CUX2: variants seen among roughly 807,000 people sequenced by gnomAD.
CUX2 encodes cut like homeobox 2, also known as homeobox protein cut-like 2.
Under a neutral mutation model 144.8 loss-of-function variants are expected in CUX2, and 40 were observed. The observed-to-expected ratio is 0.28, with a 90% CI of 0.21 to 0.36. The LOEUF (loss-of-function observed/expected upper bound fraction) is 0.36. Ranked by LOEUF, CUX2 falls within the 10% of genes least tolerant of loss-of-function variation. CUX2 has a pLI of 1.00. For missense variants in CUX2, 1,615 were observed against 1,994.0 expected (o/e 0.81, Z 3.62); for synonymous variants, 827 against 875.6 (o/e 0.94, Z 0.98).
At chr12:111,120,933 G>A (rs535596634) in intron 1 of CUX2, among the ~76,000 whole-genome samples, 4 of 151,484 alleles carry the variant, frequency 2.6e-5, no homozygotes, top group South Asian at 2.1e-4. Context: ...AAACCAGCCC[G>A]GGGGGGTCCT....
chr12:111,340,190 C>T (rs1405541351), intron 20 of CUX2, among the ~76,000 whole-genome samples: 3 of 152,088 alleles, frequency 2.0e-5, no homozygotes, highest in African/African-American at 7.2e-5. Context: ...CAGAGCGAGA[C>T]TCCATCTAAA....
Position 111,231,866 on chromosome 12 carries a change from G to C in CUX2, c.222+13929G>C, listed in dbSNP as rs561534727. 1.6e-3 allele frequency among the ~76,000 whole-genome samples: 241 copies of C among 152,264 alleles called. 1 individual carries two copies. The highest frequency in any genetic ancestry group is 2.9e-3 in the Non-Finnish European group (194 of 68,010). ...CTCATGCCTGTAATCCCAGCACTTT[G>C]GGAGGCTGGGGCAGGTAGATCATGA... is the stretch of plus-strand genomic sequence containing the variant. On this transcript the variant is annotated intron_variant, in intron 3 of 21. Transcript: ENST00000261726.
intron 4 of CUX2, among the ~76,000 whole-genome samples, chr12:111,271,600 G>A (rs1341980943): frequency 6.6e-6 from 1 of 152,198 alleles, no homozygotes; most frequent in Non-Finnish European, 1.5e-5. Flanking sequence ...GAAAATTTGG[G>A]AAGGAAAAGT....
At chr12:111,317,755 G>A (rs1343759992) in intron 16 of CUX2, among the ~76,000 whole-genome samples, 2 of 152,298 alleles carry the variant, frequency 1.3e-5, no homozygotes, top group Non-Finnish European at 2.9e-5. Flanking sequence ...TAGCACTTTA[G>A]GAGGCCAAGG....
At chr12:111,188,309 C>G (rs1364422706) in intron 1 of CUX2, among the ~76,000 whole-genome samples, 2 of 152,202 alleles carry the variant, frequency 1.3e-5, no homozygotes, top group Non-Finnish European at 2.9e-5. Context: ...GGAGGAGGAG[C>G]AGGTGCTGTG....
rs1673482316 is a variant in CUX2, at chr12:111,322,788, G to A, written c.2926+208G>A. On this transcript the variant is annotated intron_variant, in intron 18 of 21. Coordinates refer to ENST00000261726, the MANE Select transcript of CUX2 (RefSeq NM_015267.4). The surrounding 1 kb of genome is among the most constrained non-coding windows in gnomAD (Gnocchi z 4.2). ...CCCTTTCTTCCTTCCTCCAACCAGA[G>A]GGAGGCTTCTAGAAGCTGCACGCCT... is the stretch of plus-strand genomic sequence containing the variant. Among the ~76,000 whole-genome samples, 1 of 152,186 alleles carries A rather than the reference G, an allele frequency of 6.6e-6. No homozygotes were observed.
At chr12:111,292,153 C>T (rs1320090187) in intron 5 of CUX2, among the ~76,000 whole-genome samples, 5 of 152,246 alleles carry the variant, frequency 3.3e-5, no homozygotes, top group Admixed American at 1.3e-4. Context: ...TACATGGCAG[C>T]GTTACTCATA....
intron 1 of CUX2, among the ~76,000 whole-genome samples, chr12:111,132,724 G>A (rs1010588052): frequency 6.6e-5 from 10 of 151,478 alleles, no homozygotes; most frequent in Non-Finnish European, 8.8e-5. Flanking sequence ...CCACCACCAC[G>A]CCCAGCTAAT....
At chr12:111,224,537 T>G (rs1315680163) in intron 3 of CUX2, among the ~76,000 whole-genome samples, 8 of 124,866 alleles carry the variant, frequency 6.4e-5, no homozygotes, top group Non-Finnish European at 9.6e-5. Context: ...TTTTTTTTTT[T>G]GCCTTTTAAC....
rs772745232 is a variant in CUX2, at chr12:111,322,445, G to A, written c.2791G>A (p.Val931Met). Reference protein sequence around the residue: ...EKVLGLSQGSVSDMLSRPKPW... With the variant: ...EKVLGLSQGSMSDMLSRPKPW... ...GGTGCTGGGCCTGTCACAGGGCAGC[G>A]TGAGCGACATGCTGTCCCGGCCGAA... The change falls in exon 18 of 22, where the codon GTG becomes ATG. Residue 931 changes from valine to methionine, a missense_variant. Physicochemically the swap from Val to Met is conservative, Grantham distance 21. This residue lies in a region of CUX2 where 17 missense variants were observed against 68.7 expected (regional missense o/e 0.25). Coordinates refer to ENST00000261726, the MANE Select transcript of CUX2 (RefSeq NM_015267.4). The surrounding 1 kb of genome is among the most constrained non-coding windows in gnomAD (Gnocchi z 4.2). The A allele has an allele frequency of 6.4e-7, 1 of 1,569,572 alleles. No homozygotes were observed. Among genetic ancestry groups the A allele is most frequent in the Non-Finnish European group, 8.6e-7 (1 of 1,158,538 alleles).
intron 1 of CUX2, among the ~76,000 whole-genome samples, chr12:111,074,824 G>A (rs771861182): frequency 2.0e-5 from 3 of 151,998 alleles, no homozygotes; most frequent in Admixed American, 1.3e-4. Context: ...GTCTTAGCTC[G>A]TGGTACCGGC....
rs899047183 is a variant in CUX2, at chr12:111,160,213, G to A, written c.64-53987G>A. Among the ~76,000 whole-genome samples, 1 of 152,182 alleles carries A rather than the reference G, an allele frequency of 6.6e-6. No homozygotes were observed. The highest frequency in any genetic ancestry group is 2.4e-5 in the African/African-American group (1 of 41,430). ...GGACATTTGCTAAGCATGTCAACAA[G>A]TTGTGATAGAAGAATTACAAATTGT... On this transcript the variant is annotated intron_variant, in intron 1 of 21. Coordinates refer to ENST00000261726, the MANE Select transcript of CUX2 (RefSeq NM_015267.4). The surrounding 1 kb of genome is among the most constrained non-coding windows in gnomAD (Gnocchi z 4.1).
intron 3 of CUX2, among the ~76,000 whole-genome samples, chr12:111,227,612 C>T (rs932011351): frequency 6.6e-6 from 1 of 152,270 alleles, no homozygotes; most frequent in African/African-American, 2.4e-5. Context: ...GTTGGGGCAG[C>T]CTTGTGTCCC....
chr12:111,296,599 C>G, intron 8 of CUX2, 60 bp downstream of exon 8: 2 of 1,472,002 alleles, frequency 1.4e-6, no homozygotes, highest in Non-Finnish European at 1.9e-6. Flanking sequence ...CAGGCCTCCT[C>G]CTTCTGACCC....
intron 1 of CUX2, among the ~76,000 whole-genome samples, chr12:111,058,488 A>G (rs1870624885): frequency 6.6e-6 from 1 of 152,068 alleles, no homozygotes; most frequent in African/African-American, 2.4e-5. Context: ...GGAGATTTTT[A>G]CCTCCATTTC....
intron 1 of CUX2, among the ~76,000 whole-genome samples, chr12:111,091,685 G>C (rs529152804): frequency 6.6e-6 from 1 of 152,302 alleles, no homozygotes; most frequent in Non-Finnish European, 1.5e-5. Flanking sequence ...GTCCTCTCGT[G>C]GTTCTGGAGG....
chr12:111,199,679 A>C (rs1055197584), intron 1 of CUX2, among the ~76,000 whole-genome samples: 2 of 151,828 alleles, frequency 1.3e-5, no homozygotes, highest in African/African-American at 4.8e-5. Context: ...TTCTGCTGAG[A>C]CGTCTGGGTG....
chr12:111,212,691 CT>C (rs900636248), intron 1 of CUX2, among the ~76,000 whole-genome samples: 1 of 152,204 alleles, frequency 6.6e-6, no homozygotes, highest in Non-Finnish European at 1.5e-5. Context: ...CTTCTCCCTT[CT>C]AGTCTCATAA....
intron 1 of CUX2, among the ~76,000 whole-genome samples, chr12:111,199,734 G>A (rs530146991): frequency 1.3e-5 from 2 of 152,222 alleles, no homozygotes; most frequent in African/African-American, 4.8e-5. Flanking sequence ...TCTGTCTGTG[G>A]TATGTGTCTC....
Sources: allele counts gnomAD v4.1 joint callset (sites outside exome capture counted in the v4.1 genomes callset), GRCh38; gene constraint gnomAD v4.1.1; regional missense constraint gnomAD v4.1.1; non-coding constraint Gnocchi (gnomAD v3.1); transcripts MANE v1.5; gene names NCBI Gene and HGNC (gene_info 2026-07-23, HGNC 2026-07-21).